The following HACE1 variants were observed in gnomAD, a reference collection of about 807,000 sequenced individuals.
HACE1 encodes the protein E3 ubiquitin-protein ligase HACE1.
Under a neutral mutation model 118.4 loss-of-function variants are expected in HACE1, and 73 were observed. That is an observed-to-expected ratio of 0.62 (90% confidence interval 0.51 to 0.75). HACE1 has a LOEUF of 0.75. Ranked by LOEUF, HACE1 falls within the 30% of genes least tolerant of loss-of-function variation. The pLI is 0.00. For missense variants in HACE1, 749 were observed against 1,102.2 expected, an observed-to-expected ratio of 0.68 and a Z score of 4.54; for synonymous variants, 368 against 374.8, an observed-to-expected ratio of 0.98 and a Z score of 0.21.
At chr6:104,849,949 CTTT>C (rs35012688) in intron 3 of HACE1, among the ~76,000 whole-genome samples, 24 of 121,044 alleles carry the variant, frequency 2.0e-4, no homozygotes, top group Admixed American at 2.6e-4. Flanking sequence ...CACGCCCGTC[CTTT>C]TTTTTTTTTT....
chr6:104,850,945 G>T lies in HACE1; in HGVS notation c.183C>A (p.Phe61Leu). 1 of 1,610,198 alleles carries T rather than the reference G, an allele frequency of 6.2e-7. No individual in the cohort carries two copies. Among genetic ancestry groups the T allele is most frequent in the South Asian group, 1.1e-5 (1 of 90,986 alleles). Residue 61 changes from phenylalanine (F) to leucine (L), a missense_variant, in exon 3 of 24, where the codon TTC (phenylalanine) becomes TTA (leucine). Around this residue, in one of 5 missense-constraint regions of HACE1, gnomAD observed 120 missense variants for 219.1 expected, o/e 0.55. Coordinates refer to ENST00000262903, the MANE Select transcript of HACE1 (RefSeq NM_020771.4). ...SNSKFDVNYAFGRVKRSLLHI... is the reference protein window; with the variant it reads ...SNSKFDVNYALGRVKRSLLHI... Reference sequence around the variant, plus strand: ...GAAGCAAGCTTCTTTTCACACGTCCGAATGCATAATTGACATCAAATTTTG... The same window carrying T: ...GAAGCAAGCTTCTTTTCACACGTCCTAATGCATAATTGACATCAAATTTTG...
chr6:104,751,351 TGG>T (rs1778023761), intron 19 of HACE1, among the ~76,000 whole-genome samples: 1 of 152,250 alleles, frequency 6.6e-6, no homozygotes, highest in South Asian at 2.1e-4. Flanking sequence ...ACTTAGAACT[TGG>T]TAAAATCATT....
In HACE1 at chr6:104,852,228, T is replaced by TGTGTGTGCGC. The variant is rs142463116; in HGVS notation, c.131+88_131+89insGCGCACACAC. 1.1e-4 allele frequency: 73 copies of TGTGTGTGCGC among 661,246 alleles called. No homozygotes were observed. In the African/African-American group the frequency reaches 1.1e-3, roughly 10 times the overall value. 41.0% of individuals were successfully genotyped at this position (661,246 alleles called of 1,614,324 possible). ...GTGTGTGTGTGTGTGTGTGTGTGTGTGCGCGCGTGCGCGTGCACGGGCATG... is the reference window on the plus strand; with the variant it reads ...GTGTGTGTGTGTGTGTGTGTGTGTGTGTGTGTGCGCGCGCGCGTGCGCGTGCACGGGCATG... On this transcript the variant is annotated intron_variant, in intron 2 of 23. Transcript: ENST00000262903.
At chr6:104,791,347 G>C (rs1373806243) in intron 11 of HACE1, among the ~76,000 whole-genome samples, 157 bp downstream of exon 11, 1 of 152,194 alleles carries the variant, frequency 6.6e-6, no homozygotes, top group Non-Finnish European at 1.5e-5. Flanking sequence ...TGATTAGACA[G>C]AGTTGAGAGG....
intron 11 of HACE1, among the ~76,000 whole-genome samples, chr6:104,790,183 C>T (rs949774575): frequency 2.0e-5 from 3 of 151,990 alleles, no homozygotes; most frequent in Non-Finnish European, 4.4e-5. Flanking sequence ...AACAGATGGA[C>T]AGACATTCAT....
chr6:104,753,985 A>G (rs1229710754), intron 19 of HACE1, among the ~76,000 whole-genome samples: 3 of 152,198 alleles, frequency 2.0e-5, no homozygotes, highest in African/African-American at 7.2e-5. Flanking sequence ...GTTTTAACCC[A>G]ATGCAAAGAA....
chr6:104,768,273 A>G (rs549705060), intron 19 of HACE1, among the ~76,000 whole-genome samples: 8 of 152,270 alleles, frequency 5.3e-5, no homozygotes, highest in African/African-American at 1.9e-4. Flanking sequence ...GTTCAAAATT[A>G]TAAAGTCGAA....
intron 17 of HACE1, among the ~76,000 whole-genome samples, chr6:104,774,463 C>CA (rs1195367841): frequency 1.3e-5 from 2 of 151,706 alleles, no homozygotes; most frequent in African/African-American, 4.8e-5. Flanking sequence ...CAGCTCACTA[C>CA]AACCTCCACC....
chr6:104,783,538 C>T (rs368191331), intron 14 of HACE1, among the ~76,000 whole-genome samples: 20 of 152,160 alleles, frequency 1.3e-4, no homozygotes, highest in Admixed American at 5.2e-4. Flanking sequence ...TATTAGGAAA[C>T]GTGCCCAAAG....
chr6:104,735,152 T>C (rs1222759198), intron 22 of HACE1, among the ~76,000 whole-genome samples: 2 of 152,032 alleles, frequency 1.3e-5, no homozygotes, highest in Non-Finnish European at 2.9e-5. Flanking sequence ...AGTTATAAAT[T>C]TAAATTACAT....
intron 6 of HACE1, among the ~76,000 whole-genome samples, chr6:104,816,267 T>C (rs771026817): frequency 2.6e-4 from 39 of 152,218 alleles, no homozygotes; most frequent in Non-Finnish European, 5.1e-4. Context: ...AGACCTTCAC[T>C]GCAGCCCCAC....
chr6:104,797,888 G>A (rs1463871971), intron 7 of HACE1, among the ~76,000 whole-genome samples: 3 of 151,928 alleles, frequency 2.0e-5, no homozygotes, highest in Non-Finnish European at 4.4e-5. Context: ...GGCCAACATG[G>A]TGAAACCCTG....
intron 19 of HACE1, among the ~76,000 whole-genome samples, chr6:104,759,827 GAGA>G (rs142003839): frequency 0.055 from 8,331 of 152,058 alleles, 265 homozygotes; most frequent in East Asian, 0.12. Flanking sequence ...GATGAAAAGA[GAGA>G]AGAATAAAAT....
At chr6:104,735,352 G>A (rs1369020898) in intron 22 of HACE1, among the ~76,000 whole-genome samples, 2 of 152,098 alleles carry the variant, frequency 1.3e-5, no homozygotes, top group Non-Finnish European at 2.9e-5. Context: ...AAATGGGCCG[G>A]GTGCGGTGGC....
At chr6:104,779,588 T>C (rs543042086) in intron 14 of HACE1, among the ~76,000 whole-genome samples, 4 of 152,288 alleles carry the variant, frequency 2.6e-5, no homozygotes, top group African/African-American at 7.2e-5. Context: ...AGCTGGAATA[T>C]AAAGTACTTG....
intron 14 of HACE1, among the ~76,000 whole-genome samples, chr6:104,780,131 A>G (rs1246150542): frequency 6.6e-6 from 1 of 152,178 alleles, no homozygotes; most frequent in Non-Finnish European, 1.5e-5. Context: ...ATAACTATTT[A>G]AAAGAAAACT....
At chr6:104,731,620 A>T (rs1314983551) in intron 22 of HACE1, 2 of 152,146 alleles carry the variant, frequency 1.3e-5, no homozygotes, top group Non-Finnish European at 2.9e-5. Flanking sequence ...AGGGGAAAAG[A>T]CAGTCTTTTC....
chr6:104,763,947 G>A (rs551198034), intron 19 of HACE1, among the ~76,000 whole-genome samples: 64 of 152,208 alleles, frequency 4.2e-4, no homozygotes, highest in African/African-American at 1.5e-3. Context: ...CTACTTGAGA[G>A]GCTAAGGCAG....
intron 3 of HACE1, among the ~76,000 whole-genome samples, chr6:104,850,449 C>G (rs73768844): frequency 2.6e-3 from 403 of 152,316 alleles, no homozygotes; most frequent in African/African-American, 9.4e-3. Context: ...TTAATTTCAA[C>G]ACATCTACCT....
Sources: gnomAD v4.1 joint callset for allele counts (sites outside exome capture counted in the v4.1 genomes callset) on GRCh38, gnomAD v4.1.1 for gene constraint, gnomAD v4.1.1 regional missense constraint, MANE v1.5 for transcripts, NCBI Gene and HGNC (gene_info 2026-07-23, HGNC 2026-07-21) for gene names.